Variants in UBR2 observed in about 807,000 individuals in gnomAD.
The protein encoded by UBR2 is ubiquitin protein ligase E3 component n-recognin 2.
Under a neutral mutation model 247.9 loss-of-function variants are expected in UBR2, and 92 were observed. The observed-to-expected ratio is 0.37, with a 90% CI of 0.31 to 0.44. The LOEUF (loss-of-function observed/expected upper bound fraction) is 0.44. Among genes scored for constraint, UBR2 ranks in the 20% least tolerant of loss-of-function variants. The pLI is 1.00. For synonymous variants in UBR2, 672 were observed against 693.5 expected (o/e 0.97, Z 0.49); for missense variants, 1,613 against 2,112.6 (o/e 0.76, Z 4.64).
chr6:42,672,751 T>G (rs1236985079), intron 36 of UBR2, among the ~76,000 whole-genome samples: 1 of 152,150 alleles, frequency 6.6e-6, no homozygotes, highest in Non-Finnish European at 1.5e-5. Flanking sequence ...CTCTGAACCA[T>G]GTACTGTGAG....
intron 4 of UBR2, 40 bp from the exon 5 acceptor site, chr6:42,603,548 C>T (rs1562299874): frequency 6.7e-7 from 1 of 1,498,348 alleles, no homozygotes; most frequent in Non-Finnish European, 8.8e-7. Flanking sequence ...ACATGATTGC[C>T]CTTTTTTTCT....
chr6:42,644,531 T>C lies in UBR2; in HGVS notation c.2279T>C (p.Leu760Pro). 1.2e-6 allele frequency: 2 copies of C among 1,608,722 alleles called. No homozygotes were observed. The highest frequency in any genetic ancestry group is 1.7e-6 in the Non-Finnish European group (2 of 1,178,000). The change falls in exon 20 of 47, where the codon CTT becomes CCT. Residue 760 changes from leucine (L) to proline (P), a missense_variant. Leu to Pro is a moderately conservative substitution (Grantham distance 98, BLOSUM62 -3). Around this residue, in one of 3 missense-constraint regions of UBR2, gnomAD observed 1,524 missense variants for 1,967.3 expected, o/e 0.77. Transcript: ENST00000372901. ...IEEMLYLIIM[L>P]VGERFSPGVG... ...GAAATGCTATACCTCATTATAATGC[T>C]TGTTGGTAAGTTTAAATTGTTTGAG...
chr6:42,663,494 G>C, intron 32 of UBR2, 75 bp downstream of exon 32: 10 of 1,451,390 alleles, frequency 6.9e-6, no homozygotes, highest in Non-Finnish European at 8.3e-6. Flanking sequence ...AATCAAGGAG[G>C]AAAACTTAGT....
At chr6:42,656,179 T>G (rs565870362) in intron 26 of UBR2, among the ~76,000 whole-genome samples, 163 of 152,346 alleles carry the variant, frequency 1.1e-3, no homozygotes, top group South Asian at 9.9e-3. Context: ...ACATACTTTC[T>G]TGAACCATTT....
chr6:42,611,217 C>CT lies in UBR2; in HGVS notation c.865-951dup, dbSNP rs531886054. ...GTGGCTCACGCCTGTAATCCCAGCACTTTGGGAGGCCGAGGTGGGGGGATC... is the reference window on the plus strand; with the variant it reads ...GTGGCTCACGCCTGTAATCCCAGCACTTTTGGGAGGCCGAGGTGGGGGGATC... On this transcript the variant is annotated intron_variant, in intron 7 of 46. Transcript: ENST00000372901. 8.0e-4 allele frequency among the ~76,000 whole-genome samples: 120 copies of CT among 150,144 alleles called. 1 individual carries two copies. The highest frequency in any genetic ancestry group is 1.2e-3 in the Non-Finnish European group (84 of 67,634).
chr6:42,620,478 G>GTTGTTTTT (rs1794903187), intron 11 of UBR2: 3 of 100,958 alleles, frequency 3.0e-5, no homozygotes, highest in Admixed American at 9.3e-5. Context: ...AATATTAAGT[G>GTTGTTTTT]TTGTTTTTTT....
intron 2 of UBR2, among the ~76,000 whole-genome samples, chr6:42,576,428 TCTG>T (rs1313094770): frequency 6.6e-6 from 1 of 152,060 alleles, no homozygotes; most frequent in Non-Finnish European, 1.5e-5. Context: ...ATGCAGCCAT[TCTG>T]CTGCTGCTGC....
intron 1 of UBR2, among the ~76,000 whole-genome samples, chr6:42,567,586 G>A (rs184977399): frequency 4.6e-5 from 7 of 152,172 alleles, no homozygotes; most frequent in South Asian, 2.1e-4. Context: ...AAAATTAACC[G>A]GGCATGGTGG....
chr6:42,625,360 AATAC>A (rs1267580771), intron 11 of UBR2, among the ~76,000 whole-genome samples: 2 of 152,024 alleles, frequency 1.3e-5, no homozygotes, highest in African/African-American at 4.8e-5. Flanking sequence ...TTTTCTATTT[AATAC>A]ATTTCAGATC....
chr6:42,625,148 G>A (rs562294668), intron 11 of UBR2, among the ~76,000 whole-genome samples: 38 of 152,166 alleles, frequency 2.5e-4, no homozygotes, highest in Non-Finnish European at 4.4e-4. Context: ...TTAAATATTT[G>A]GAAGAATTCT....
intron 4 of UBR2, among the ~76,000 whole-genome samples, chr6:42,599,238 C>T (rs1029627047): frequency 5.9e-5 from 9 of 152,200 alleles, no homozygotes; most frequent in African/African-American, 2.2e-4. Flanking sequence ...GATGTTAATG[C>T]TGACTATTTG....
rs1799633990 is a variant in UBR2, at chr6:42,689,550, A to G, written c.5025-19A>G. 1 of 1,609,752 alleles carries G rather than the reference A, an allele frequency of 6.2e-7. No individual in the cohort carries two copies. Among genetic ancestry groups the G allele is most frequent in the Non-Finnish European group, 8.5e-7 (1 of 1,176,180 alleles). On this transcript the variant is annotated intron_variant, in intron 45 of 46. Transcript: ENST00000372901. This position sits in a 1 kb window ranked among gnomAD's most constrained non-coding sequence, Gnocchi z 4.0. Reference sequence around the variant, plus strand: ...TTACTAATGTGTAAATGTGTAACGTATGACTGATCTCTCTACAGAGTACGG... The same window carrying G: ...TTACTAATGTGTAAATGTGTAACGTGTGACTGATCTCTCTACAGAGTACGG...
At chr6:42,676,323 C>A in intron 39 of UBR2, 132 bp downstream of exon 39, 2 of 1,035,050 alleles carry the variant, frequency 1.9e-6, no homozygotes, top group South Asian at 2.4e-5. Flanking sequence ...TGTGTATCTT[C>A]ATATGAAAAG....
At chr6:42,584,660 C>T (rs1044662565) in intron 2 of UBR2, among the ~76,000 whole-genome samples, 2 of 152,012 alleles carry the variant, frequency 1.3e-5, no homozygotes, top group African/African-American at 4.8e-5. Flanking sequence ...CATTTTATCT[C>T]TCTTCATTTA....
intron 1 of UBR2, among the ~76,000 whole-genome samples, chr6:42,573,516 C>T (rs1395592149): frequency 6.6e-6 from 1 of 152,082 alleles, no homozygotes; most frequent in East Asian, 1.9e-4. Flanking sequence ...AGGAGGGAGG[C>T]TTGTTTCATT....
chr6:42,688,519 C>A, intron 45 of UBR2, 133 bp downstream of exon 45: 2 of 1,050,818 alleles, frequency 1.9e-6, no homozygotes. Context: ...AAACGTGGAG[C>A]TCCTTGTCGC....
chr6:42,690,470 G>C (rs1457659294), intron 46 of UBR2, among the ~76,000 whole-genome samples: 1 of 152,194 alleles, frequency 6.6e-6, no homozygotes, highest in African/African-American at 2.4e-5. Flanking sequence ...TCAGGGCACT[G>C]GTCCCAGGCA....
intron 16 of UBR2, 94 bp downstream of exon 16, chr6:42,640,364 A>G (rs1796348940): frequency 2.0e-6 from 2 of 997,476 alleles, no homozygotes; most frequent in East Asian, 2.6e-5. Flanking sequence ...TGGGTTCTCC[A>G]GAGGAACAGA....
rs1797858333 is a variant in UBR2, at chr6:42,662,261, G to A, written c.3520G>A (p.Ala1174Thr). Residue 1174 changes from alanine (A) to threonine (T), a missense_variant, in exon 31 of 47, where the codon GCC (alanine) becomes ACC (threonine). Ala to Thr is a moderately conservative substitution (Grantham distance 58). Around this residue, in one of 3 missense-constraint regions of UBR2, gnomAD observed 1,524 missense variants for 1,967.3 expected, o/e 0.77. Transcript: ENST00000372901. ...HTSSCGHIMH[A>T]HCWQRYFDSV... ...TAGTAGCTGTGGGCACATTATGCAT[G>A]CCCATTGTTGGCAAAGGTAATGTAT... 2 of 1,604,122 alleles carry A rather than the reference G, an allele frequency of 1.2e-6. No individual in the cohort carries two copies. The highest frequency in any genetic ancestry group is 1.7e-6 in the Non-Finnish European group (2 of 1,174,320).
Sources: gnomAD v4.1 joint callset for allele counts (sites outside exome capture counted in the v4.1 genomes callset) on GRCh38, gnomAD v4.1.1 for gene constraint, gnomAD v4.1.1 regional missense constraint, Gnocchi (gnomAD v3.1) non-coding constraint, MANE v1.5 for transcripts, NCBI Gene and HGNC (gene_info 2026-07-23, HGNC 2026-07-21) for gene names.